CFAP251: variants seen among roughly 807,000 people sequenced by gnomAD.
CFAP251 encodes cilia- and flagella-associated protein 251.
A neutral mutation model predicts 126.7 loss-of-function variants in CFAP251; 93 were observed. The ratio of observed to expected loss-of-function variants is 0.73; its 90% CI spans 0.62 to 0.87. The LOEUF (loss-of-function observed/expected upper bound fraction) is 0.87, where lower values mean the gene tolerates loss of function less well. Among genes scored for constraint, CFAP251 ranks in the 40% least tolerant of loss-of-function variants. The probability of loss-of-function intolerance (pLI) is 0.00; values close to 1 mark genes in which losing one functional copy is unlikely to be tolerated. For synonymous variants in CFAP251, 503 were observed against 506.9 expected, an observed-to-expected ratio of 0.99 and a Z score of 0.10; for missense variants, 1,287 against 1,389.2, an observed-to-expected ratio of 0.93 and a Z score of 1.17.
chr12:121,998,822 C>G (rs1408147714), intron 19 of CFAP251: 1 of 133,624 alleles, frequency 7.5e-6, no homozygotes, highest in Non-Finnish European at 1.5e-5. Context: ...CCTGAGAGGT[C>G]AAGGCTACAG....
At chr12:122,001,882 G>A (rs986343647) in intron 21 of CFAP251, 9 of 433,512 alleles carry the variant, frequency 2.1e-5, no homozygotes, top group African/African-American at 8.0e-5. Flanking sequence ...TTGGCCACCC[G>A]TAGAGGATCC....
intron 5 of CFAP251, among the ~76,000 whole-genome samples, chr12:121,938,965 C>T (rs983943136): frequency 2.7e-5 from 4 of 150,368 alleles, no homozygotes; most frequent in Non-Finnish European, 4.4e-5. Flanking sequence ...CCAATCTGGG[C>T]GACAGAGCGA....
intron 19 of CFAP251, among the ~76,000 whole-genome samples, chr12:121,976,338 T>A (rs1882458829): frequency 2.6e-5 from 4 of 152,096 alleles, no homozygotes; most frequent in Admixed American, 2.0e-4. Context: ...AGGGGATTGA[T>A]GCCTACGCAG....
chr12:122,000,272 C>A (rs1253813288), intron 20 of CFAP251, among the ~76,000 whole-genome samples: 1 of 152,172 alleles, frequency 6.6e-6, no homozygotes, highest in Non-Finnish European at 1.5e-5. Flanking sequence ...TGGGTTGGGG[C>A]CGGGCGCAGT....
chr12:121,952,062 T>C (rs994009345), intron 9 of CFAP251, among the ~76,000 whole-genome samples: 1 of 151,400 alleles, frequency 6.6e-6, no homozygotes, highest in African/African-American at 2.4e-5. Flanking sequence ...TGTGAGAAAA[T>C]ATAAAAACGT....
At chr12:121,962,314 G>A (rs1881968125) in intron 15 of CFAP251, 152 bp downstream of exon 15, 17 of 708,018 alleles carry the variant, frequency 2.4e-5, no homozygotes, top group Non-Finnish European at 3.0e-5. Flanking sequence ...CACAGATAAC[G>A]TAAGTAATTC....
At chr12:121,964,497 T>C (rs1156974656) in intron 15 of CFAP251, among the ~76,000 whole-genome samples, 3 of 152,216 alleles carry the variant, frequency 2.0e-5, no homozygotes, top group Non-Finnish European at 2.9e-5. Context: ...GGAGGGACTT[T>C]TAGACACAAA....
Position 121,957,191 on chromosome 12 carries a change from G to A in CFAP251, c.1653G>A (p.Lys551=), listed in dbSNP as rs771347656. The A allele has an allele frequency of 1.4e-5, 23 of 1,613,928 alleles. No individual in the cohort carries two copies. The South Asian group carries it at 2.3e-4, about 16-fold the overall frequency. The stretch of plus-strand genomic sequence containing the variant: ...CCATAAGAACTCTGTCCTTTTCAAA[G>A]ACCCCAGCAACTCCTCCTACTGAAA... ...LGAIRTLSFS[K]TPATPPTEKS... is the part of the protein sequence containing the mutation. Residue 551 remains lysine (K), a synonymous_variant, in exon 11 of 22, where the codon AAG becomes AAA. Coordinates refer to ENST00000288912, the MANE Select transcript of CFAP251 (RefSeq NM_144668.6).
chr12:121,967,098 G>A (rs774642601), intron 16 of CFAP251, 29 bp downstream of exon 16: 2 of 1,588,688 alleles, frequency 1.3e-6, no homozygotes, highest in Non-Finnish European at 1.7e-6. Context: ...CCAGTTCTGG[G>A]AGTTGACTCT....
At chr12:122,001,462 G>A (rs1883148102) in intron 20 of CFAP251, 35 bp from the exon 21 acceptor site, 1 of 1,545,844 alleles carries the variant, frequency 6.5e-7, no homozygotes, top group East Asian at 2.2e-5. Flanking sequence ...AGCCTCAAGA[G>A]TTAAACAATC....
intron 15 of CFAP251, among the ~76,000 whole-genome samples, chr12:121,966,469 A>C (rs1592992098): frequency 1.0e-4 from 8 of 77,002 alleles, no homozygotes; most frequent in Non-Finnish European, 1.4e-4. Context: ...GTGGTGTTTC[A>C]CCATGTTGGC....
intron 19 of CFAP251, among the ~76,000 whole-genome samples, chr12:121,988,927 G>T (rs1882813651): frequency 6.6e-6 from 1 of 151,878 alleles, no homozygotes; most frequent in Admixed American, 6.6e-5. Flanking sequence ...GTAGAGATGG[G>T]GTTTCACCAT....
rs1882814838 is a variant in CFAP251 at position 121,989,004 on chromosome 12, G to C, written c.3007-10712G>C. On this transcript the variant is annotated intron_variant, in intron 19 of 21. Transcript: ENST00000288912. This position sits in a 1 kb window ranked among gnomAD's most constrained non-coding sequence, Gnocchi z 4.2. ...ACCCAACTTGGCCTCCCAAAGTGCTGGGATCCCAGATGTGAGCCACGGTGC... is the reference window on the plus strand; with the variant it reads ...ACCCAACTTGGCCTCCCAAAGTGCTCGGATCCCAGATGTGAGCCACGGTGC... 6.6e-6 allele frequency among the ~76,000 whole-genome samples: 1 copy of C among 152,116 alleles called. No individual in the cohort carries two copies. Among genetic ancestry groups the C allele is most frequent in the Non-Finnish European group, 1.5e-5 (1 of 68,024 alleles).
intron 7 of CFAP251, among the ~76,000 whole-genome samples, chr12:121,946,906 A>G (rs1881346481): frequency 6.6e-6 from 1 of 152,126 alleles, no homozygotes; most frequent in South Asian, 2.1e-4. Flanking sequence ...TGATGTGTCT[A>G]TGTGGAAGTG....
rs901722565 is a variant in CFAP251, at chr12:122,001,680, C to G, written c.3337+82C>G. ...CTTCAGTACATTTATTTCTCCTGAT[C>G]GGTGCAAGCCACTCTCCCTAAGACT... is the stretch of plus-strand genomic sequence containing the variant. On this transcript the variant is annotated intron_variant, in intron 21 of 21. Transcript: ENST00000288912. The G allele has an allele frequency of 2.5e-5, 26 of 1,050,596 alleles. No individual in the cohort carries two copies. In the African/African-American group the frequency reaches 3.3e-4, roughly 13 times the overall value. The allele number at this position is 1,050,596 out of a possible 1,614,324, so 65.1% of individuals were successfully genotyped here. A position where few individuals can be genotyped will look rare whatever the true frequency, so the allele number is the denominator to read the frequency against.
At chr12:121,978,012 A>G (rs1387185754) in intron 19 of CFAP251, among the ~76,000 whole-genome samples, 1 of 151,788 alleles carries the variant, frequency 6.6e-6, no homozygotes, top group Admixed American at 6.6e-5. Flanking sequence ...AAAACAAACA[A>G]AAAAACTAAT....
intron 3 of CFAP251, among the ~76,000 whole-genome samples, chr12:121,929,983 G>T (rs890803717): frequency 4.0e-5 from 5 of 125,672 alleles, no homozygotes; most frequent in African/African-American, 1.9e-4. Context: ...GGGCCACACT[G>T]ATCTTTTTAT....
rs546286215 is a variant in CFAP251, at chr12:121,978,434, A to G, written c.3006+2749A>G. Among the ~76,000 whole-genome samples the G allele has an allele frequency of 5.3e-4, 78 of 148,426 alleles. 3 individuals are homozygous for G. The South Asian group carries it at 0.014, about 27-fold the overall frequency. ...AAAAAAAAAAAAATTATCCGAAAACATGCTTTTTAAAGGATATATTTTAAT... is the reference window on the plus strand; with the variant it reads ...AAAAAAAAAAAAATTATCCGAAAACGTGCTTTTTAAAGGATATATTTTAAT... On this transcript the variant is annotated intron_variant, in intron 19 of 21. Coordinates refer to ENST00000288912, the MANE Select transcript of CFAP251 (RefSeq NM_144668.6).
intron 2 of CFAP251, among the ~76,000 whole-genome samples, 160 bp downstream of exon 2, chr12:121,921,843 A>G (rs1170088184): frequency 3.6e-5 from 5 of 140,748 alleles, no homozygotes; most frequent in Non-Finnish European, 7.5e-5. Flanking sequence ...GCTGGAGTGC[A>G]GGGGCACAAT....
Sources: gnomAD v4.1 joint callset for allele counts (sites outside exome capture counted in the v4.1 genomes callset) on GRCh38, gnomAD v4.1.1 for gene constraint, Gnocchi (gnomAD v3.1) non-coding constraint, MANE v1.5 for transcripts, NCBI Gene and HGNC (gene_info 2026-07-23, HGNC 2026-07-21) for gene names.